Variants in COL19A1 observed in about 807,000 individuals in gnomAD.
The protein encoded by COL19A1 is collagen alpha-1(XIX) chain.
A neutral mutation model predicts 190.2 loss-of-function variants in COL19A1; 159 were observed. The ratio of observed to expected loss-of-function variants is 0.84; its 90% CI spans 0.73 to 0.95. COL19A1 has a LOEUF of 0.95. Among genes scored for constraint, COL19A1 ranks in the 40% least tolerant of loss-of-function variants. The pLI, the probability that COL19A1 is intolerant of heterozygous loss-of-function variation, is 0.00. For synonymous variants in COL19A1, 509 were observed against 458.9 expected, an observed-to-expected ratio of 1.11 and a Z score of -1.39; for missense variants, 1,418 against 1,431.9, an observed-to-expected ratio of 0.99 and a Z score of 0.16.
At chr6:70,098,004 G>A (rs1216043225) in intron 15 of COL19A1, among the ~76,000 whole-genome samples, 1 of 152,122 alleles carries the variant, frequency 6.6e-6, no homozygotes, top group Non-Finnish European at 1.5e-5. Flanking sequence ...AGAGAGCCTT[G>A]TAATGAATGG....
intron 39 of COL19A1, 85 bp downstream of exon 39, chr6:70,168,300 G>A: frequency 7.0e-7 from 1 of 1,419,508 alleles, no homozygotes; most frequent in Non-Finnish European, 9.7e-7. Context: ...TAAGTTCACT[G>A]AAAAACGCAT....
chr6:70,191,626 A>G (rs1562259502), intron 48 of COL19A1, among the ~76,000 whole-genome samples: 3 of 152,314 alleles, frequency 2.0e-5, no homozygotes, highest in Non-Finnish European at 2.9e-5. Context: ...ATTGTCCTAA[A>G]ACTCACCCTA....
intron 11 of COL19A1, among the ~76,000 whole-genome samples, chr6:69,995,975 G>A (rs1404898223): frequency 6.6e-6 from 1 of 152,100 alleles, no homozygotes; most frequent in Non-Finnish European, 1.5e-5. Context: ...TAGCAAGTAG[G>A]TTTTTATCAA....
intron 41 of COL19A1, among the ~76,000 whole-genome samples, chr6:70,175,321 T>C (rs1197808470): frequency 2.0e-5 from 3 of 152,200 alleles, no homozygotes; most frequent in Non-Finnish European, 4.4e-5. Flanking sequence ...CTATATTTCT[T>C]TATGATTTCT....
chr6:70,189,619 C>T (rs750223064), intron 47 of COL19A1, among the ~76,000 whole-genome samples: 1 of 152,080 alleles, frequency 6.6e-6, no homozygotes, highest in Non-Finnish European at 1.5e-5. Context: ...TATAATAAAA[C>T]ATTACTGTTA....
intron 14 of COL19A1, among the ~76,000 whole-genome samples, chr6:70,049,864 A>G (rs1360108703): frequency 6.6e-6 from 1 of 152,278 alleles, no homozygotes; most frequent in Middle Eastern, 3.4e-3. Context: ...CTACATTAAA[A>G]TCAGTTTAAT....
At chr6:69,873,617 A>G (rs80179037) in intron 1 of COL19A1, among the ~76,000 whole-genome samples, 15,833 of 152,264 alleles carry the variant, frequency 0.1, 1,043 homozygotes, top group Middle Eastern at 0.3. Flanking sequence ...ATTTTTTATG[A>G]GTGTTATTAG....
At chr6:69,882,222 A>G (rs1768610591) in intron 2 of COL19A1, among the ~76,000 whole-genome samples, 1 of 152,236 alleles carries the variant, frequency 6.6e-6, no homozygotes, top group African/African-American at 2.4e-5. Context: ...TTTAAGAGTA[A>G]TATGGAGAGA....
At chr6:70,024,896 A>G (rs1476351085) in intron 12 of COL19A1, among the ~76,000 whole-genome samples, 5 of 152,114 alleles carry the variant, frequency 3.3e-5, no homozygotes, top group Non-Finnish European at 7.4e-5. Context: ...TACTCCTGTC[A>G]TTGGAGGCAC....
chr6:70,156,276 T>C lies in COL19A1; in HGVS notation c.2185-40T>C, dbSNP rs748145887. On this transcript the variant is annotated intron_variant, in intron 32 of 50. Transcript: ENST00000620364. ...GTTTACGATCCCTGTGGGTTACATG[T>C]AGTGCATCCTCTCAGTTCTGTTCTT... is the stretch of plus-strand genomic sequence containing the variant. The C allele has an allele frequency of 2.5e-6, 4 of 1,612,906 alleles. No individual in the cohort carries two copies. The African/African-American group carries it at 5.3e-5, about 22-fold the overall frequency.
chr6:70,189,522 A>C (rs527858849), intron 47 of COL19A1, among the ~76,000 whole-genome samples: 99 of 152,356 alleles, frequency 6.5e-4, no homozygotes, highest in African/African-American at 2.2e-3. Flanking sequence ...CCTGGATAAT[A>C]ATCACCAACT....
chr6:70,092,941 T>C (rs1293537161), intron 15 of COL19A1, among the ~76,000 whole-genome samples: 2 of 152,230 alleles, frequency 1.3e-5, no homozygotes, highest in Non-Finnish European at 2.9e-5. Flanking sequence ...CTGACCTGTC[T>C]GAAGTTTGTA....
chr6:70,095,967 G>A (rs1369459098), intron 15 of COL19A1, among the ~76,000 whole-genome samples: 1 of 151,972 alleles, frequency 6.6e-6, no homozygotes, highest in South Asian at 2.1e-4. Flanking sequence ...TCCACCTCTT[G>A]TCTATTGAGA....
At chr6:70,103,455 T>G (rs1435544909) in intron 16 of COL19A1, among the ~76,000 whole-genome samples, 2 of 152,174 alleles carry the variant, frequency 1.3e-5, no homozygotes, top group African/African-American at 4.8e-5. Flanking sequence ...CTATTTGATT[T>G]TAAATTCCTC....
intron 12 of COL19A1, among the ~76,000 whole-genome samples, chr6:70,025,285 C>T (rs1778673061): frequency 6.6e-6 from 1 of 152,202 alleles, no homozygotes; most frequent in Non-Finnish European, 1.5e-5. Context: ...CCGCGTCGGC[C>T]TCCCAAAGTG....
At chr6:70,195,136 G>GAT (rs202055762) in intron 48 of COL19A1, among the ~76,000 whole-genome samples, 24,555 of 135,640 alleles carry the variant, frequency 0.18, 2,333 homozygotes, top group African/African-American at 0.26. Context: ...CATCATTGAT[G>GAT]ATATATATAT....
chr6:70,055,781 TAAAAAA>T lies in COL19A1; in HGVS notation c.1171-12623_1171-12618del, dbSNP rs55871207. 7.7e-5 allele frequency among the ~76,000 whole-genome samples: 9 copies of T among 117,446 alleles called. No individual in the cohort carries two copies. In the East Asian group the frequency reaches 9.8e-4, roughly 13 times the overall value. 77.0% of individuals were successfully genotyped at this position (117,446 alleles called of 152,430 possible). On this transcript the variant is annotated intron_variant, in intron 14 of 50. Coordinates refer to ENST00000620364, the MANE Select transcript of COL19A1 (RefSeq NM_001858.6). ...TGGGAGACAGAGCAAAACTCTGTAT[TAAAAAA>T]AAAAAAAAAAAAAAAAAATTCACAT...
At chr6:70,075,886 A>G (rs540533671) in intron 15 of COL19A1, among the ~76,000 whole-genome samples, 94 of 152,364 alleles carry the variant, frequency 6.2e-4, no homozygotes, top group South Asian at 2.3e-3. Flanking sequence ...GAGCTGAATG[A>G]CATTATTTGT....
At chr6:69,886,908 T>C (rs1433284268) in intron 2 of COL19A1, among the ~76,000 whole-genome samples, 4 of 152,236 alleles carry the variant, frequency 2.6e-5, no homozygotes, top group Non-Finnish European at 5.9e-5. Flanking sequence ...ATTCAGATTA[T>C]TGTGCCTTAA....
Sources: allele counts gnomAD v4.1 joint callset (sites outside exome capture counted in the v4.1 genomes callset), GRCh38; gene constraint gnomAD v4.1.1; transcripts MANE v1.5; gene names NCBI Gene and HGNC (gene_info 2026-07-23, HGNC 2026-07-21).